PTPRJ: variants seen among roughly 807,000 people sequenced by gnomAD.
PTPRJ encodes the protein protein tyrosine phosphatase receptor type J, also known as receptor-type tyrosine-protein phosphatase eta.
In PTPRJ, 129 loss-of-function variants were observed where a neutral mutation model predicts 141.3. The ratio of observed to expected loss-of-function variants is 0.91; its 90% CI spans 0.79 to 1.06. The LOEUF (loss-of-function observed/expected upper bound fraction) is 1.06, where lower values mean the gene tolerates loss of function less well. Among genes scored for constraint, PTPRJ ranks in the 50% least tolerant of loss-of-function variants. The probability of loss-of-function intolerance (pLI) is 0.00; values close to 1 mark genes in which losing one functional copy is unlikely to be tolerated. For synonymous variants in PTPRJ, 610 were observed against 640.5 expected (o/e 0.95, Z 0.72); for missense variants, 1,601 against 1,679.7 (o/e 0.95, Z 0.82).
chr11:48,139,702 A>G lies in PTPRJ; in HGVS notation c.2369A>G (p.Asn790Ser). 1 of 1,614,146 alleles carries G rather than the reference A, an allele frequency of 6.2e-7. No individual in the cohort carries two copies. The highest frequency in any genetic ancestry group is 8.5e-7 in the Non-Finnish European group (1 of 1,180,030). Reference sequence around the variant, plus strand: ...TATTTGAATTTTTCTACCTCGTACAACATCAGCATCACCACTGTGTCCTGT... The same window carrying G: ...TATTTGAATTTTTCTACCTCGTACAGCATCAGCATCACCACTGTGTCCTGT... ...VTYLNFSTSY[N>S]ISITTVSCGK... Residue 790 changes from asparagine (N) to serine (S), a missense_variant, in exon 11 of 25, where the codon AAC becomes AGC. Coordinates refer to ENST00000418331, the MANE Select transcript of PTPRJ (RefSeq NM_002843.4).
chr11:48,059,963 AG>A (rs2134258842), intron 1 of PTPRJ, among the ~76,000 whole-genome samples: 1 of 152,312 alleles, frequency 6.6e-6, no homozygotes, highest in African/African-American at 2.4e-5. Flanking sequence ...TGAAGCTATA[AG>A]GGAACTTTGA....
chr11:48,097,140 G>A (rs988256959), intron 1 of PTPRJ, among the ~76,000 whole-genome samples: 1 of 152,164 alleles, frequency 6.6e-6, no homozygotes, highest in Non-Finnish European at 1.5e-5. Flanking sequence ...GGTGGTAAGA[G>A]GTGAGTGCTG....
intron 24 of PTPRJ, among the ~76,000 whole-genome samples, 196 bp downstream of exon 24, chr11:48,164,711 C>A (rs1253186828): frequency 6.6e-6 from 1 of 151,856 alleles, no homozygotes; most frequent in African/African-American, 2.4e-5. Context: ...GGATTACAGG[C>A]ACGCACACCA....
chr11:48,027,791 CAAAAAAAA>C (rs750153282), intron 1 of PTPRJ, among the ~76,000 whole-genome samples: 68 of 32,894 alleles, frequency 2.1e-3, no homozygotes, highest in African/African-American at 6.4e-3. Flanking sequence ...ACTCTGTCTC[CAAAAAAAA>C]AAAAAAAAAA....
At chr11:48,111,712 C>A (rs565444179) in intron 2 of PTPRJ, among the ~76,000 whole-genome samples, 2 of 152,010 alleles carry the variant, frequency 1.3e-5, no homozygotes, top group Non-Finnish European at 2.9e-5. Context: ...GCTATTTTAA[C>A]TGAAAGGATT....
At chr11:48,152,625 A>C (rs1003133889) in intron 18 of PTPRJ, among the ~76,000 whole-genome samples, 2 of 151,848 alleles carry the variant, frequency 1.3e-5, no homozygotes, top group South Asian at 4.2e-4. Flanking sequence ...AATTTTTGTC[A>C]GTTTCAGCTT....
At chr11:48,162,009 AG>A (rs2134387510) in intron 22 of PTPRJ, among the ~76,000 whole-genome samples, 1 of 152,250 alleles carries the variant, frequency 6.6e-6, no homozygotes, top group Non-Finnish European at 1.5e-5. Context: ...AGGGGAATTT[AG>A]GATGGAGTTG....
Position 48,122,194 on chromosome 11 carries a change from A to C in PTPRJ, c.616+928A>C, listed in dbSNP as rs905479. On this transcript the variant is annotated intron_variant, in intron 4 of 24. Transcript: ENST00000418331. ...CTCAGAGCACTATTTTAGGGGGGAA[A>C]ACCTGCCATAAAGGTTTGCTCTGTT... Among the ~76,000 whole-genome samples, 1,454 of 152,316 alleles carry C rather than the reference A, an allele frequency of 9.5e-3. 21 individuals carry two copies. Among genetic ancestry groups the C allele is most frequent in the African/African-American group, 0.033 (1,380 of 41,568 alleles).
chr11:48,022,625 A>G (rs1853684191), intron 1 of PTPRJ, among the ~76,000 whole-genome samples: 1 of 152,062 alleles, frequency 6.6e-6, no homozygotes, highest in African/African-American at 2.4e-5. Context: ...CACCTGTAAA[A>G]TGAAGAAGTT....
chr11:48,085,922 G>T (rs1855693853), intron 1 of PTPRJ, among the ~76,000 whole-genome samples: 1 of 152,132 alleles, frequency 6.6e-6, no homozygotes, highest in Non-Finnish European at 1.5e-5. Flanking sequence ...CTGTCTCTGT[G>T]CTCCTTCGTT....
At chr11:48,107,985 T>C (rs1490480929) in intron 1 of PTPRJ, among the ~76,000 whole-genome samples, 1 of 152,060 alleles carries the variant, frequency 6.6e-6, no homozygotes, top group Non-Finnish European at 1.5e-5. Flanking sequence ...TTGGGAGGCT[T>C]AGGTGAGAGG....
chr11:48,149,656 T>G (rs1565328299), intron 16 of PTPRJ, 168 bp downstream of exon 16: 1 of 559,426 alleles, frequency 1.8e-6, no homozygotes, highest in Middle Eastern at 4.7e-4. Flanking sequence ...AATCTATGTT[T>G]TATTAGTCTC....
intron 1 of PTPRJ, among the ~76,000 whole-genome samples, chr11:48,012,051 C>A (rs1854808545): frequency 6.6e-6 from 1 of 152,042 alleles, no homozygotes; most frequent in Non-Finnish European, 1.5e-5. Flanking sequence ...CGGTGGTTTC[C>A]ATTTATGCGT....
In PTPRJ at chr11:48,157,361, A is replaced by G. The variant is rs201866504; in HGVS notation, c.3438+1242A>G. On this transcript the variant is annotated intron_variant, in intron 21 of 24. Transcript: ENST00000418331. ...AGAACTGAAAAACACATGCTAATCT[A>G]AAAAAATGCTGTGCCTTAGGAATGG... 1.7e-4 allele frequency among the ~76,000 whole-genome samples: 26 copies of G among 152,266 alleles called. No homozygotes were observed. In the East Asian group the frequency reaches 5.0e-3, roughly 29 times the overall value.
intron 7 of PTPRJ, among the ~76,000 whole-genome samples, chr11:48,129,814 G>T (rs1190436585): frequency 5.9e-5 from 9 of 152,122 alleles, no homozygotes; most frequent in Admixed American, 5.9e-4. Flanking sequence ...GGCAGCGTGA[G>T]CTCCAGTCAT....
rs893282959 is a variant in PTPRJ, at chr11:48,137,029, G to A, written c.1900G>A (p.Val634Ile). The A allele has an allele frequency of 1.2e-6, 2 of 1,605,936 alleles. No individual in the cohort carries two copies. Among genetic ancestry groups the A allele is most frequent in the South Asian group, 1.1e-5 (1 of 90,872 alleles). ...TRPSNVSNIDVSTNTTAATLS... is the reference protein window; with the variant it reads ...TRPSNVSNIDISTNTTAATLS... ...GCCCAGCAATGTGTCCAACATTGAT[G>A]TAAGTACCAACACCACAGCAGCAAC... is the stretch of plus-strand genomic sequence containing the variant. The change falls in exon 10 of 25, where the codon GTA becomes ATA. Residue 634 changes from valine (V) to isoleucine (I), a missense_variant. Coordinates refer to ENST00000418331, the MANE Select transcript of PTPRJ (RefSeq NM_002843.4).
chr11:48,163,861 C>A (rs1158219582), intron 23 of PTPRJ, among the ~76,000 whole-genome samples: 2 of 152,158 alleles, frequency 1.3e-5, no homozygotes, highest in African/African-American at 2.4e-5. Context: ...TCTAGGAACA[C>A]AGCATGCCCA....
At chr11:48,157,882 G>A (rs1857651340) in intron 21 of PTPRJ, among the ~76,000 whole-genome samples, 1 of 152,240 alleles carries the variant, frequency 6.6e-6, no homozygotes, top group South Asian at 2.1e-4. Flanking sequence ...GCTGGGTGCA[G>A]TGGCTTACAG....
chr11:47,997,255 C>A (rs1262216144), intron 1 of PTPRJ, among the ~76,000 whole-genome samples: 1 of 152,186 alleles, frequency 6.6e-6, no homozygotes, highest in African/African-American at 2.4e-5. Context: ...GGCAAACTAC[C>A]CTTGCTGTAG....
Sources: allele counts gnomAD v4.1 joint callset (sites outside exome capture counted in the v4.1 genomes callset), GRCh38; gene constraint gnomAD v4.1.1; transcripts MANE v1.5; gene names NCBI Gene and HGNC (gene_info 2026-07-23, HGNC 2026-07-21).